Variants in NKIRAS1 observed in about 807,000 individuals in gnomAD.
NKIRAS1 encodes NFKB inhibitor interacting Ras like 1.
NKIRAS1 carries 16 observed loss-of-function variants against 19.8 expected under a neutral mutation model. That is an observed-to-expected ratio of 0.81 (90% CI 0.55 to 1.23). The LOEUF (loss-of-function observed/expected upper bound fraction) is 1.23, where lower values mean the gene tolerates loss of function less well. NKIRAS1 is among the 50% of genes most tolerant of loss of function. The pLI, the probability that NKIRAS1 is intolerant of heterozygous loss-of-function variation, is 0.00. For synonymous variants in NKIRAS1, 88 were observed against 79.0 expected, an observed-to-expected ratio of 1.11 and a Z score of -0.61; for missense variants, 184 against 220.0, an observed-to-expected ratio of 0.84 and a Z score of 1.04.
At chr3:23,935,137 C>T (rs1705371627) in intron 1 of NKIRAS1, among the ~76,000 whole-genome samples, 1 of 151,472 alleles carries the variant, frequency 6.6e-6, no homozygotes, top group Admixed American at 6.6e-5. Flanking sequence ...CCTCCTGCCT[C>T]GTGAGTTAGG....
intron 1 of NKIRAS1, among the ~76,000 whole-genome samples, chr3:23,925,283 G>A (rs1203239136): frequency 6.6e-6 from 1 of 152,190 alleles, no homozygotes; most frequent in Admixed American, 6.5e-5. Context: ...CACTGGTAGA[G>A]AGAGTATTTT....
chr3:23,896,988 T>C (rs974553896), intron 4 of NKIRAS1, among the ~76,000 whole-genome samples: 1 of 152,052 alleles, frequency 6.6e-6, no homozygotes, highest in Non-Finnish European at 1.5e-5. Flanking sequence ...GGAGGATCAC[T>C]TGAAGCCAGG....
intron 1 of NKIRAS1, among the ~76,000 whole-genome samples, chr3:23,938,688 C>G (rs1362014591): frequency 6.6e-6 from 1 of 152,120 alleles, no homozygotes; most frequent in East Asian, 1.9e-4. Flanking sequence ...GTCCATGTCC[C>G]CTACCCTTGG....
At chr3:23,893,611 A>C (rs889862413) in intron 4 of NKIRAS1, among the ~76,000 whole-genome samples, 1 of 151,870 alleles carries the variant, frequency 6.6e-6, no homozygotes, top group Non-Finnish European at 1.5e-5. Flanking sequence ...GTTCAAGACC[A>C]CCCTGGCCAA....
intron 1 of NKIRAS1, chr3:23,945,156 G>A (rs1307803942): frequency 6.7e-6 from 1 of 149,102 alleles, no homozygotes; most frequent in Admixed American, 6.7e-5. Context: ...GGAGAAAAGG[G>A]TAGCCGGGGA....
At chr3:23,902,023 G>A (rs1242513836) in intron 3 of NKIRAS1, among the ~76,000 whole-genome samples, 10 of 152,108 alleles carry the variant, frequency 6.6e-5, no homozygotes, top group African/African-American at 1.7e-4. Flanking sequence ...GCAGTGAGCC[G>A]AGATCATGCC....
intron 1 of NKIRAS1, among the ~76,000 whole-genome samples, chr3:23,928,376 TC>T (rs1436844075): frequency 6.6e-6 from 1 of 151,792 alleles, no homozygotes; most frequent in South Asian, 2.1e-4. Flanking sequence ...AACTCTCCAA[TC>T]CCCCATAACT....
intron 3 of NKIRAS1, among the ~76,000 whole-genome samples, chr3:23,907,135 C>A (rs1004064562): frequency 9.9e-5 from 15 of 152,190 alleles, no homozygotes; most frequent in African/African-American, 3.4e-4. Context: ...TTCAAGTGAT[C>A]CGCCTGCCTC....
chr3:23,938,710 C>G (rs1705440818), intron 1 of NKIRAS1, among the ~76,000 whole-genome samples: 1 of 152,146 alleles, frequency 6.6e-6, no homozygotes, highest in Non-Finnish European at 1.5e-5. Flanking sequence ...TCTGGGTGTG[C>G]TTGTGACTCC....
At chr3:23,940,167 CCAAAA>C (rs1705466900) in intron 1 of NKIRAS1, among the ~76,000 whole-genome samples, 2 of 28,924 alleles carry the variant, frequency 6.9e-5, no homozygotes, top group Non-Finnish European at 1.5e-4. Flanking sequence ...CCCATCTCTA[CCAAAA>C]AAAAAAAAAA....
rs1701541675 is a variant in NKIRAS1 at position 23,892,477 on chromosome 3, G to A, written c.*618C>T. ...TGGCTAAGGAAAAAACGGCCTTAGA[G>A]CGTGATGAACCTACTTAACACTACC... On this transcript the variant is annotated 3_prime_UTR_variant, in exon 5 of 5. Coordinates refer to ENST00000425478, the MANE Select transcript of NKIRAS1 (RefSeq NM_020345.4). The A allele has an allele frequency of 6.6e-6, 1 of 152,148 alleles. No homozygotes were observed. Among genetic ancestry groups the A allele is most frequent in the Non-Finnish European group, 1.5e-5 (1 of 68,034 alleles). 9.4% of individuals were successfully genotyped at this position (152,148 alleles called of 1,614,324 possible). A position where few individuals can be genotyped will look rare whatever the true frequency, so the allele number is the denominator to read the frequency against.
At chr3:23,905,204 G>A (rs1352586011) in intron 3 of NKIRAS1, among the ~76,000 whole-genome samples, 4 of 151,564 alleles carry the variant, frequency 2.6e-5, no homozygotes. Flanking sequence ...AAATCCATAG[G>A]GCAAAAAATA....
At chr3:23,946,278 G>C in intron 1 of NKIRAS1, 1 of 985,522 alleles carries the variant, frequency 1.0e-6, no homozygotes, top group Non-Finnish European at 1.2e-6. Context: ...CGGACCCCGC[G>C]CAAACCAAAC....
chr3:23,921,623 G>A (rs2125260080), upstream of NKIRAS1: 1 of 686,776 alleles, frequency 1.5e-6, no homozygotes. Flanking sequence ...CACTCAGGTG[G>A]GAGTGCAGTG....
At chr3:23,911,765 C>CTTT (rs535208116) in intron 1 of NKIRAS1, among the ~76,000 whole-genome samples, 2 of 138,138 alleles carry the variant, frequency 1.4e-5, no homozygotes, top group Non-Finnish European at 3.1e-5. Context: ...GTCACGTGGG[C>CTTT]TTTTTTTTTT....
At chr3:23,917,835 A>AG, upstream of NKIRAS1, 1 of 1,604,224 alleles carries the variant, frequency 6.2e-7, no homozygotes, top group Admixed American at 1.7e-5. Flanking sequence ...TTTAATACAC[A>AG]GTTTGATTTC....
At position 23,892,062 on chromosome 3, in the gene NKIRAS1, T is replaced by G. The variant is rs1701509980; in HGVS notation, c.*1033A>C. The G allele has an allele frequency of 6.6e-6, 1 of 152,230 alleles. No homozygotes were observed. Among genetic ancestry groups the G allele is most frequent in the South Asian group, 2.1e-4 (1 of 4,834 alleles). 9.4% of individuals were successfully genotyped at this position (152,230 alleles called of 1,614,324 possible). On this transcript the variant is annotated 3_prime_UTR_variant, in exon 5 of 5. Transcript: ENST00000425478. ...AGAGCTCATGAAAAAAGTATTCCATTTAAGATGTTACAAATTACTTGATGT... is the reference window on the plus strand; with the variant it reads ...AGAGCTCATGAAAAAAGTATTCCATGTAAGATGTTACAAATTACTTGATGT...
intron 1 of NKIRAS1, chr3:23,945,232 CGGGCGGAGGGA>C (rs1705611258): frequency 7.9e-6 from 1 of 126,542 alleles, no homozygotes; most frequent in Non-Finnish European, 1.7e-5. Flanking sequence ...CGGCCGAGGG[CGGGCGGAGGGA>C]GGGGGTGTGT....
At chr3:23,941,759 C>T (rs1017778027) in intron 1 of NKIRAS1, among the ~76,000 whole-genome samples, 5 of 152,114 alleles carry the variant, frequency 3.3e-5, no homozygotes, top group Non-Finnish European at 5.9e-5. Context: ...AGCTCTATAG[C>T]CTCTACTAGT....
Sources: gnomAD v4.1 joint callset for allele counts (sites outside exome capture counted in the v4.1 genomes callset) on GRCh38, gnomAD v4.1.1 for gene constraint, MANE v1.5 for transcripts, NCBI Gene and HGNC (gene_info 2026-07-23, HGNC 2026-07-21) for gene names.